Variants in SLC35F3 observed in about 807,000 individuals in gnomAD.
SLC35F3 encodes the protein solute carrier family 35 member F3.
SLC35F3 carries 25 observed loss-of-function variants against 49.9 expected under a neutral mutation model. The observed-to-expected ratio is 0.50, with a 90% CI of 0.37 to 0.70. The LOEUF (loss-of-function observed/expected upper bound fraction) is 0.70. Ranked by LOEUF, SLC35F3 falls within the 30% of genes least tolerant of loss-of-function variation. SLC35F3 has a pLI of 0.00. For missense variants in SLC35F3, 525 were observed against 639.8 expected, an observed-to-expected ratio of 0.82 and a Z score of 1.94; for synonymous variants, 275 against 265.4, an observed-to-expected ratio of 1.04 and a Z score of -0.35.
intron 2 of SLC35F3, among the ~76,000 whole-genome samples, chr1:234,090,108 T>C (rs1451215990): frequency 1.3e-5 from 2 of 152,270 alleles, no homozygotes; most frequent in Non-Finnish European, 2.9e-5. Flanking sequence ...GGCAATGTGC[T>C]GTCAATCACA....
intron 2 of SLC35F3, among the ~76,000 whole-genome samples, chr1:234,011,552 C>CA (rs1273407030): frequency 6.6e-6 from 1 of 152,252 alleles, no homozygotes; most frequent in East Asian, 1.9e-4. Flanking sequence ...AAGGCATACT[C>CA]ACGCACACAC....
chr1:234,170,709 G>T (rs1307380975), intron 2 of SLC35F3, among the ~76,000 whole-genome samples: 1 of 152,072 alleles, frequency 6.6e-6, no homozygotes, highest in Non-Finnish European at 1.5e-5. Flanking sequence ...AACAAGATTT[G>T]GTCCTCAAAC....
chr1:234,102,713 TC>T (rs1665231616), intron 2 of SLC35F3, among the ~76,000 whole-genome samples: 1 of 152,198 alleles, frequency 6.6e-6, no homozygotes, highest in Non-Finnish European at 1.5e-5. Context: ...CCCCTCTTGC[TC>T]CTTCTGCAAT....
At chr1:233,978,870 A>C (rs1278999066) in intron 2 of SLC35F3, among the ~76,000 whole-genome samples, 1 of 152,058 alleles carries the variant, frequency 6.6e-6, no homozygotes, top group African/African-American at 2.4e-5. Flanking sequence ...ATCTCTACTA[A>C]AGATACAAAA....
At chr1:233,908,732 C>T (rs1661816470) in intron 2 of SLC35F3, among the ~76,000 whole-genome samples, 1 of 151,504 alleles carries the variant, frequency 6.6e-6, no homozygotes, top group Non-Finnish European at 1.5e-5. Context: ...GATGGGGTTT[C>T]ACCATGTTGG....
At chr1:234,281,194 T>C (rs1280049473) in intron 3 of SLC35F3, among the ~76,000 whole-genome samples, 1 of 152,118 alleles carries the variant, frequency 6.6e-6, no homozygotes, top group Non-Finnish European at 1.5e-5. Flanking sequence ...GTGAGGTCCT[T>C]GGGCTCTGAT....
chr1:234,050,576 A>G (rs570442363), intron 2 of SLC35F3, among the ~76,000 whole-genome samples: 1 of 152,230 alleles, frequency 6.6e-6, no homozygotes, highest in Admixed American at 6.5e-5. Flanking sequence ...AATTTTTCCC[A>G]TTCTGTAAGT....
intron 2 of SLC35F3, among the ~76,000 whole-genome samples, chr1:233,910,719 G>A (rs976890071): frequency 2.6e-5 from 4 of 152,312 alleles, no homozygotes; most frequent in South Asian, 2.1e-4. Context: ...CTTTTTTGAA[G>A]GGGGTCATGC....
At chr1:234,276,023 A>C (rs1668205255) in intron 3 of SLC35F3, among the ~76,000 whole-genome samples, 1 of 152,172 alleles carries the variant, frequency 6.6e-6, no homozygotes, top group South Asian at 2.1e-4. Context: ...CAGGTGGTCC[A>C]AGCCCAGAGC....
rs565165916 is a variant in SLC35F3 at position 233,924,531 on chromosome 1, T to A, written c.283+18773T>A. On this transcript the variant is annotated intron_variant, in intron 2 of 7. Transcript: ENST00000366618. ...TTTATTGCATCTATTTGATTCTTCT[T>A]TATTAGTCTTGCTAGCAGTCTATCA... 8.6e-5 allele frequency among the ~76,000 whole-genome samples: 13 copies of A among 150,972 alleles called. No individual in the cohort carries two copies. The South Asian group carries it at 2.7e-3, about 31-fold the overall frequency.
chr1:234,150,583 C>A lies in SLC35F3; in HGVS notation c.284-80834C>A, dbSNP rs185265222. 3.9e-4 allele frequency among the ~76,000 whole-genome samples: 60 copies of A among 152,294 alleles called. 1 individual carries two copies. The East Asian group carries it at 0.011, about 28-fold the overall frequency. ...ATCTTATCTCATTGGATAAGCTCAT[C>A]AAAATAGATCCCATGTCTGCTATGC... is the stretch of plus-strand genomic sequence containing the variant. On this transcript the variant is annotated intron_variant, in intron 2 of 7. Transcript: ENST00000366618.
At chr1:233,953,716 G>T (rs142782714) in intron 2 of SLC35F3, among the ~76,000 whole-genome samples, 1 of 152,144 alleles carries the variant, frequency 6.6e-6, no homozygotes, top group Non-Finnish European at 1.5e-5. Flanking sequence ...ATGAAGTGTC[G>T]CAGGGTAGAA....
chr1:233,927,776 G>T (rs904238835), intron 2 of SLC35F3, among the ~76,000 whole-genome samples: 1 of 151,924 alleles, frequency 6.6e-6, no homozygotes, highest in Non-Finnish European at 1.5e-5. Context: ...GGGAGAAAAT[G>T]GAATGGTATA....
chr1:234,110,856 T>C (rs932697126), intron 2 of SLC35F3, among the ~76,000 whole-genome samples: 3 of 152,190 alleles, frequency 2.0e-5, no homozygotes, highest in Non-Finnish European at 4.4e-5. Flanking sequence ...GACAAAAATT[T>C]TAAACACTCC....
chr1:234,266,083 A>G (rs183116967), intron 3 of SLC35F3, among the ~76,000 whole-genome samples: 8 of 152,130 alleles, frequency 5.3e-5, no homozygotes, highest in Non-Finnish European at 5.9e-5. Flanking sequence ...TTGACACACT[A>G]TTTACTCTAT....
At chr1:234,253,176 A>T (rs1667764331) in intron 3 of SLC35F3, among the ~76,000 whole-genome samples, 1 of 152,152 alleles carries the variant, frequency 6.6e-6, no homozygotes, top group Non-Finnish European at 1.5e-5. Context: ...AAATACAAAA[A>T]TTAACTGGGC....
chr1:234,296,145 G>A (rs186420912), intron 3 of SLC35F3, among the ~76,000 whole-genome samples: 103 of 152,240 alleles, frequency 6.8e-4, no homozygotes, highest in African/African-American at 2.4e-3. Flanking sequence ...TCTGTTTTGC[G>A]GAGGGATGTG....
At chr1:234,315,249 T>A (rs993787241) in intron 4 of SLC35F3, among the ~76,000 whole-genome samples, 6 of 152,212 alleles carry the variant, frequency 3.9e-5, no homozygotes, top group Non-Finnish European at 8.8e-5. Context: ...TATAGAAACA[T>A]AGCGTATAAG....
intron 2 of SLC35F3, among the ~76,000 whole-genome samples, chr1:234,179,128 ACT>A (rs1443470739): frequency 1.3e-5 from 2 of 151,940 alleles, no homozygotes; most frequent in Non-Finnish European, 2.9e-5. Flanking sequence ...CTGTTTCTTG[ACT>A]CTGCAGAGCT....
Sources: allele counts gnomAD v4.1 joint callset (sites outside exome capture counted in the v4.1 genomes callset), GRCh38; gene constraint gnomAD v4.1.1; transcripts MANE v1.5; gene names NCBI Gene and HGNC (gene_info 2026-07-23, HGNC 2026-07-21).